The following FANCA variants were observed in gnomAD, a reference collection of about 807,000 sequenced individuals.
FANCA encodes the protein FA complementation group A.
Under a neutral mutation model 194.3 loss-of-function variants are expected in FANCA, and 236 were observed. That is an observed-to-expected ratio of 1.21 (90% CI 1.09 to 1.35). The LOEUF is 1.35. Ranked by LOEUF, FANCA falls within the 40% of genes most tolerant of loss-of-function variation. FANCA has a pLI of 0.00. For synonymous variants in FANCA, 1,014 were observed against 715.8 expected, an observed-to-expected ratio of 1.42 and a Z score of -6.65; for missense variants, 2,628 against 1,813.9, an observed-to-expected ratio of 1.45 and a Z score of -8.15.
intron 20 of FANCA, among the ~76,000 whole-genome samples, chr16:89,777,694 C>A (rs1043015775): frequency 6.6e-6 from 1 of 152,130 alleles, no homozygotes; most frequent in East Asian, 1.9e-4. Flanking sequence ...TACCAACCAA[C>A]TTTCTTACTA....
chr16:89,813,948 A>G (rs2041003790), intron 3 of FANCA, among the ~76,000 whole-genome samples: 1 of 152,190 alleles, frequency 6.6e-6, no homozygotes, highest in Non-Finnish European at 1.5e-5. Context: ...TGGAATGATA[A>G]TATGCAATTT....
chr16:89,790,654 G>A lies in FANCA; in HGVS notation c.1359+749C>T, dbSNP rs529173501. On this transcript the variant is annotated intron_variant, in intron 14 of 42. Coordinates refer to ENST00000389301, the MANE Select transcript of FANCA (RefSeq NM_000135.4). ...TGAGGCAGGAGAATAGCTTGAAACG[G>A]GGCAGCGGAGTTTGCAGTGAGCCGA... 4.0e-5 allele frequency among the ~76,000 whole-genome samples: 6 copies of A among 151,638 alleles called. No individual in the cohort carries two copies. The South Asian group carries it at 1.0e-3, about 26-fold the overall frequency.
intron 14 of FANCA, among the ~76,000 whole-genome samples, chr16:89,785,239 T>C (rs2039858179): frequency 6.6e-6 from 1 of 152,224 alleles, no homozygotes; most frequent in Admixed American, 6.5e-5. Context: ...GCGCTTTGAC[T>C]GAAGAGATAT....
In FANCA at chr16:89,773,395, A is replaced by G; in HGVS notation, c.1901-11T>C. The G allele has an allele frequency of 1.3e-6, 2 of 1,539,540 alleles. No homozygotes were observed. Among genetic ancestry groups the G allele is most frequent in the Non-Finnish European group, 1.8e-6 (2 of 1,136,244 alleles). On this transcript the variant is annotated splice_polypyrimidine_tract_variant and intron_variant, in intron 21 of 42. Coordinates refer to ENST00000389301, the MANE Select transcript of FANCA (RefSeq NM_000135.4). Reference sequence around the variant, plus strand: ...CTCCCAGGGCTGCATCTGTGAGAAGAAGGAAGAAACCAGATGGAAAGACAC... The same window carrying G: ...CTCCCAGGGCTGCATCTGTGAGAAGGAGGAAGAAACCAGATGGAAAGACAC...
intron 5 of FANCA, among the ~76,000 whole-genome samples, chr16:89,810,009 G>C (rs568178944): frequency 4.6e-5 from 7 of 151,910 alleles, no homozygotes; most frequent in African/African-American, 1.4e-4. Flanking sequence ...CTGGGCGGCA[G>C]AGCAATATTC....
chr16:89,774,757 T>G (rs1298902372), intron 21 of FANCA, among the ~76,000 whole-genome samples: 2 of 47,182 alleles, frequency 4.2e-5, no homozygotes, highest in Non-Finnish European at 5.8e-5. Context: ...AAAAAAAATC[T>G]CAACGAGCCT....
chr16:89,776,153 GT>G (rs908520331), intron 20 of FANCA, among the ~76,000 whole-genome samples: 4 of 91,786 alleles, frequency 4.4e-5, no homozygotes, highest in African/African-American at 1.5e-4. Flanking sequence ...ACGAATCTTT[GT>G]TTTTCTTTTT....
intron 3 of FANCA, 115 bp from the exon 4 acceptor site, chr16:89,811,186 T>C: frequency 7.6e-7 from 1 of 1,312,850 alleles, no homozygotes; most frequent in Middle Eastern, 1.8e-4. Flanking sequence ...AAAATTGCCT[T>C]TTAAACGGGG....
chr16:89,815,466 C>G (rs766446898), intron 2 of FANCA, among the ~76,000 whole-genome samples: 1 of 150,054 alleles, frequency 6.7e-6, no homozygotes, highest in Non-Finnish European at 1.5e-5. Context: ...AGCAATTCTC[C>G]TGCCTCAGGC....
At chr16:89,739,742 C>A in intron 39 of FANCA, 189 bp from the exon 40 acceptor site, 3 of 1,491,192 alleles carry the variant, frequency 2.0e-6, no homozygotes, top group Non-Finnish European at 2.7e-6. Context: ...GGGTCGACCT[C>A]TTGCAGGAGG....
chr16:89,811,705 T>C (rs886842261), intron 3 of FANCA, among the ~76,000 whole-genome samples: 1 of 148,774 alleles, frequency 6.7e-6, no homozygotes, highest in Non-Finnish European at 1.5e-5. Flanking sequence ...CATTTTCTAA[T>C]TTATTTGTCT....
At chr16:89,809,252 C>A (rs1365800211) in intron 5 of FANCA, among the ~76,000 whole-genome samples, 1 of 152,088 alleles carries the variant, frequency 6.6e-6, no homozygotes, top group South Asian at 2.1e-4. Flanking sequence ...TTTCCTAACT[C>A]TCCAATCTGA....
chr16:89,783,560 AAAC>A (rs1346918624), intron 15 of FANCA, among the ~76,000 whole-genome samples: 1 of 151,680 alleles, frequency 6.6e-6, no homozygotes, highest in Non-Finnish European at 1.5e-5. Context: ...CCAAAAAAAA[AAAC>A]AACAAAAAAA....
intron 6 of FANCA, among the ~76,000 whole-genome samples, chr16:89,806,352 T>TTTTC (rs2040645023): frequency 6.7e-6 from 1 of 148,978 alleles, no homozygotes; most frequent in Admixed American, 6.7e-5. Flanking sequence ...TCATTCTTTT[T>TTTTC]TTTTTTTTTT....
rs1188082371 is a variant in FANCA at position 89,746,583 on chromosome 16, C to T, written c.3513+1G>A. On this transcript the variant is annotated splice_donor_variant, in intron 35 of 42. Coordinates refer to ENST00000389301, the MANE Select transcript of FANCA (RefSeq NM_000135.4). LOFTEE classifies it high-confidence loss of function. ...AACACCAAACAAGACAGCTGACCCACCAGAGCAGAGGTCAAAATTAAGGGG... is the reference window on the plus strand; with the variant it reads ...AACACCAAACAAGACAGCTGACCCATCAGAGCAGAGGTCAAAATTAAGGGG... 6.2e-7 allele frequency: 1 copy of T among 1,613,366 alleles called. No homozygotes were observed. Among genetic ancestry groups the T allele is most frequent in the Non-Finnish European group, 8.5e-7 (1 of 1,179,446 alleles).
At chr16:89,756,180 C>T (rs1402344714) in intron 30 of FANCA, among the ~76,000 whole-genome samples, 1 of 152,086 alleles carries the variant, frequency 6.6e-6, no homozygotes, top group Non-Finnish European at 1.5e-5. Context: ...ATGAATGTGA[C>T]CCAGTTTTCA....
chr16:89,750,501 A>AAAAAAAAAC lies in FANCA; in HGVS notation c.3067-600_3067-599insGTTTTTTTT, dbSNP rs1289505609. 8.7e-4 allele frequency among the ~76,000 whole-genome samples: 126 copies of AAAAAAAAAC among 145,646 alleles called. 4 individuals carry two copies. Among genetic ancestry groups the AAAAAAAAAC allele is most frequent in the East Asian group, 8.1e-3 (36 of 4,466 alleles). On this transcript the variant is annotated intron_variant, in intron 31 of 42. Transcript: ENST00000389301. Reference sequence around the variant, plus strand: ...CCGTCTCAAAAAAAAACAAACAAAAAAAAACAGCCAGGTATGGTGGCTCAC... The same window carrying AAAAAAAAAC: ...CCGTCTCAAAAAAAAACAAACAAAAAAAAAAAAACAAAACAGCCAGGTATGGTGGCTCAC...
At chr16:89,800,822 G>T (rs541679859) in intron 8 of FANCA, among the ~76,000 whole-genome samples, 1 of 152,038 alleles carries the variant, frequency 6.6e-6, no homozygotes, top group East Asian at 1.9e-4. Flanking sequence ...CCTGAGGTCA[G>T]GAGTTCTAGA....
At chr16:89,815,683 T>G (rs1471264419) in intron 2 of FANCA, among the ~76,000 whole-genome samples, 194 bp downstream of exon 2, 1 of 152,042 alleles carries the variant, frequency 6.6e-6, no homozygotes, top group African/African-American at 2.4e-5. Context: ...TGTTTTGTTT[T>G]TAATAAAAGA....
Sources: gnomAD v4.1 joint callset for allele counts (sites outside exome capture counted in the v4.1 genomes callset) on GRCh38, gnomAD v4.1.1 for gene constraint, MANE v1.5 for transcripts, NCBI Gene and HGNC (gene_info 2026-07-23, HGNC 2026-07-21) for gene names.